The following SLC44A5 variants were observed in gnomAD, a reference collection of about 807,000 sequenced individuals.
The protein encoded by SLC44A5 is solute carrier family 44 member 5.
A neutral mutation model predicts 101.8 loss-of-function variants in SLC44A5; 57 were observed. The ratio of observed to expected loss-of-function variants is 0.56; its 90% CI spans 0.45 to 0.70. SLC44A5 has a LOEUF of 0.70. SLC44A5 is among the 30% of genes least tolerant of loss of function. The pLI, the probability that SLC44A5 is intolerant of heterozygous loss-of-function variation, is 0.00. For missense variants in SLC44A5, 737 were observed against 853.1 expected, an observed-to-expected ratio of 0.86 and a Z score of 1.70; for synonymous variants, 281 against 290.9, an observed-to-expected ratio of 0.97 and a Z score of 0.35.
At chr1:75,384,692 C>G (rs1318423153) in intron 3 of SLC44A5, among the ~76,000 whole-genome samples, 1 of 123,254 alleles carries the variant, frequency 8.1e-6, no homozygotes, top group Non-Finnish European at 1.7e-5. Flanking sequence ...GAACTCAGCT[C>G]TGCACCAAGC....
chr1:75,519,780 C>T (rs1159792551), intron 2 of SLC44A5, among the ~76,000 whole-genome samples: 1 of 152,224 alleles, frequency 6.6e-6, no homozygotes, highest in African/African-American at 2.4e-5. Flanking sequence ...CAACTTTGCT[C>T]TGAGTCAACT....
chr1:75,679,173 G>C, the SLC44A5 span, among the ~76,000 whole-genome samples: 3 of 152,202 alleles, frequency 2.0e-5, no homozygotes, highest in Non-Finnish European at 2.9e-5. Context: ...ACGGAACCAA[G>C]TTGGAAAACA....
intron 4 of SLC44A5, among the ~76,000 whole-genome samples, chr1:75,323,169 C>A (rs1656308367): frequency 6.7e-6 from 1 of 148,598 alleles, no homozygotes; most frequent in Non-Finnish European, 1.5e-5. Context: ...TCAATTCCCA[C>A]CTATGAGTGA....
the SLC44A5 span, among the ~76,000 whole-genome samples, chr1:75,640,616 A>T: frequency 6.6e-6 from 1 of 152,048 alleles, no homozygotes; most frequent in African/African-American, 2.4e-5. Context: ...GGAAATTTTG[A>T]ATATTAATTG....
intron 2 of SLC44A5, among the ~76,000 whole-genome samples, chr1:75,523,697 C>G (rs1269805383): frequency 6.6e-6 from 1 of 152,204 alleles, no homozygotes; most frequent in Non-Finnish European, 1.5e-5. Context: ...TGCTATTATT[C>G]CTGCACATTT....
chr1:75,366,193 T>C lies in SLC44A5; in HGVS notation c.53-26563A>G, dbSNP rs575148887. On this transcript the variant is annotated intron_variant, in intron 3 of 23. Transcript: ENST00000370859. ...ATTTCATTTTAACTTGAAGAACTCC[T>C]TTTAATGTTTCTTGTAAGGCAGACC... Among the ~76,000 whole-genome samples the C allele has an allele frequency of 2.0e-5, 3 of 152,334 alleles. No individual in the cohort carries two copies. The South Asian group carries it at 6.2e-4, about 32-fold the overall frequency.
intron 14 of SLC44A5, among the ~76,000 whole-genome samples, chr1:75,221,309 G>C (rs1372423798): frequency 2.6e-5 from 4 of 152,112 alleles, no homozygotes; most frequent in Admixed American, 2.6e-4. Flanking sequence ...AGAGAGCATG[G>C]GCTGTTGGCT....
the SLC44A5 span, among the ~76,000 whole-genome samples, chr1:75,714,683 TTTC>T: frequency 6.6e-6 from 1 of 152,162 alleles, no homozygotes; most frequent in Non-Finnish European, 1.5e-5. Flanking sequence ...TCAGTAGTAT[TTTC>T]TTTTTTTTGA....
At chr1:75,289,082 G>T (rs548819310) in intron 5 of SLC44A5, among the ~76,000 whole-genome samples, 1 of 152,158 alleles carries the variant, frequency 6.6e-6, no homozygotes, top group Non-Finnish European at 1.5e-5. Flanking sequence ...AAGTTCCTGA[G>T]GGGTCCAGTA....
chr1:75,596,867 G>A (rs1020165344), intron 1 of SLC44A5, among the ~76,000 whole-genome samples: 1 of 152,084 alleles, frequency 6.6e-6, no homozygotes, highest in African/African-American at 2.4e-5. Context: ...AAAGCTGGAA[G>A]CATTCTCTTT....
At chr1:75,304,838 G>A (rs1010622024) in intron 4 of SLC44A5, among the ~76,000 whole-genome samples, 1 of 152,024 alleles carries the variant, frequency 6.6e-6, no homozygotes, top group Non-Finnish European at 1.5e-5. Flanking sequence ...TTCCCACTGG[G>A]TCCCAGAAAG....
At chr1:75,572,623 T>G (rs973576261) in intron 1 of SLC44A5, among the ~76,000 whole-genome samples, 1 of 152,156 alleles carries the variant, frequency 6.6e-6, no homozygotes, top group Non-Finnish European at 1.5e-5. Context: ...GAAGAAAGAC[T>G]GGGAGTTATA....
chr1:75,649,327 G>A, the SLC44A5 span, among the ~76,000 whole-genome samples: 1 of 152,076 alleles, frequency 6.6e-6, no homozygotes, highest in African/African-American at 2.4e-5. Context: ...TAACAGTTGA[G>A]GTCACTCCTG....
chr1:75,206,564 C>T (rs776407313), intron 23 of SLC44A5: 1 of 1,272,340 alleles, frequency 7.9e-7, no homozygotes, highest in Non-Finnish European at 1.1e-6. Flanking sequence ...ACCTAATTTA[C>T]ACAACTTCTA....
intron 1 of SLC44A5, among the ~76,000 whole-genome samples, chr1:75,549,332 C>G (rs750839901): frequency 4.0e-4 from 61 of 152,198 alleles, no homozygotes; most frequent in South Asian, 1.0e-3. Context: ...AAGTTAACCA[C>G]AAATCTCAGA....
the SLC44A5 span, among the ~76,000 whole-genome samples, chr1:75,676,988 G>A: frequency 1.3e-5 from 2 of 152,116 alleles, no homozygotes; most frequent in Non-Finnish European, 2.9e-5. Context: ...GGGAAAAAAA[G>A]TTTATCCTAG....
At chr1:75,585,873 T>C (rs1309329189) in intron 1 of SLC44A5, among the ~76,000 whole-genome samples, 1 of 152,154 alleles carries the variant, frequency 6.6e-6, no homozygotes, top group East Asian at 1.9e-4. Flanking sequence ...TCTGACTCAG[T>C]AGCTCTGAGA....
intron 1 of SLC44A5, among the ~76,000 whole-genome samples, chr1:75,554,469 CAAAAA>C (rs35263222): frequency 2.4e-5 from 3 of 123,418 alleles, no homozygotes; most frequent in Admixed American, 8.7e-5. Flanking sequence ...GTGACTCTGT[CAAAAA>C]AAAAAAAAAA....
At chr1:75,590,857 C>G (rs539079088) in intron 1 of SLC44A5, among the ~76,000 whole-genome samples, 4 of 152,268 alleles carry the variant, frequency 2.6e-5, no homozygotes, top group African/African-American at 9.6e-5. Flanking sequence ...ACTTCTGAAC[C>G]CACCTGGAGC....
Sources: gnomAD v4.1 joint callset for allele counts (sites outside exome capture counted in the v4.1 genomes callset) on GRCh38, gnomAD v4.1.1 for gene constraint, MANE v1.5 for transcripts, NCBI Gene and HGNC (gene_info 2026-07-23, HGNC 2026-07-21) for gene names.